Variants in NCKAP5 observed in about 807,000 individuals in gnomAD.
NCKAP5 encodes the protein NCK associated protein 5.
In NCKAP5, 92 loss-of-function variants were observed where a neutral mutation model predicts 167.0. The ratio of observed to expected loss-of-function variants is 0.55; its 90% CI spans 0.47 to 0.66. NCKAP5 has a LOEUF of 0.66. NCKAP5 is among the 30% of genes least tolerant of loss of function. The pLI is 0.00. For synonymous variants in NCKAP5, 891 were observed against 877.4 expected, an observed-to-expected ratio of 1.02 and a Z score of -0.27; for missense variants, 2,378 against 2,315.0, an observed-to-expected ratio of 1.03 and a Z score of -0.56.
intron 4 of NCKAP5, among the ~76,000 whole-genome samples, chr2:133,262,145 ATTTT>A (rs1159528667): frequency 6.6e-6 from 1 of 151,880 alleles, no homozygotes; most frequent in Non-Finnish European, 1.5e-5. Flanking sequence ...AATGCACATA[ATTTT>A]TTTTTATTTT....
the NCKAP5 span, among the ~76,000 whole-genome samples, chr2:133,634,555 A>C: frequency 2.0e-5 from 3 of 152,184 alleles, no homozygotes; most frequent in Admixed American, 6.5e-5. Context: ...TGACACTTAA[A>C]ATTTGCAAGC....
intron 15 of NCKAP5, among the ~76,000 whole-genome samples, chr2:132,779,394 G>C (rs187331093): frequency 1.4e-4 from 22 of 152,200 alleles, no homozygotes; most frequent in Admixed American, 3.3e-4. Context: ...GCTCTGCCAG[G>C]CTATCAAAGT....
rs142765318 is a variant in NCKAP5 at position 133,350,386 on chromosome 2, C to A, written c.70-47276G>T. Among the ~76,000 whole-genome samples the A allele has an allele frequency of 6.6e-5, 10 of 152,126 alleles. No individual in the cohort carries two copies. The East Asian group carries it at 1.9e-3, about 29-fold the overall frequency. ...TATGATGGTACCATCACATTCCAGC[C>A]TGATCAACAAAGAAAGACCCTGTCT... On this transcript the variant is annotated intron_variant, in intron 3 of 19. Transcript: ENST00000409261.
At chr2:133,171,769 T>A (rs1368763928) in intron 5 of NCKAP5, among the ~76,000 whole-genome samples, 2 of 152,124 alleles carry the variant, frequency 1.3e-5, no homozygotes, top group Non-Finnish European at 2.9e-5. Context: ...CAAGGCTAAG[T>A]GGTGAAGAGA....
chr2:132,909,096 C>A (rs2148944446), intron 8 of NCKAP5, among the ~76,000 whole-genome samples: 1 of 152,272 alleles, frequency 6.6e-6, no homozygotes, highest in Admixed American at 6.5e-5. Context: ...CCTGTAATCC[C>A]AGCACATTGG....
chr2:133,346,079 C>T (rs1350966194), intron 3 of NCKAP5, among the ~76,000 whole-genome samples: 2 of 152,126 alleles, frequency 1.3e-5, no homozygotes, highest in East Asian at 3.9e-4. Flanking sequence ...TATTCTAAAT[C>T]TGACAATTTC....
At chr2:133,603,207 T>C in the NCKAP5 span, among the ~76,000 whole-genome samples, 2 of 139,430 alleles carry the variant, frequency 1.4e-5, no homozygotes, top group Non-Finnish European at 3.1e-5. Flanking sequence ...ATGGCATCGG[T>C]TTTTTTTTTT....
At chr2:133,077,839 C>T (rs1438637075) in intron 6 of NCKAP5, among the ~76,000 whole-genome samples, 2 of 152,160 alleles carry the variant, frequency 1.3e-5, no homozygotes, top group Admixed American at 6.5e-5. Flanking sequence ...AGTACAGTGA[C>T]TTGTCCAAGA....
intron 3 of NCKAP5, among the ~76,000 whole-genome samples, chr2:133,379,929 A>AATAG (rs1574837635): frequency 6.6e-6 from 1 of 152,220 alleles, no homozygotes; most frequent in East Asian, 1.9e-4. Context: ...CCAGCAAGTG[A>AATAG]ATAGATGTAT....
At chr2:132,993,837 T>C (rs1423238399) in intron 7 of NCKAP5, among the ~76,000 whole-genome samples, 2 of 152,224 alleles carry the variant, frequency 1.3e-5, no homozygotes, top group East Asian at 1.9e-4. Context: ...TCCCAGAGAA[T>C]GTTGTACACA....
chr2:133,456,313 G>A (rs961971359), intron 3 of NCKAP5, among the ~76,000 whole-genome samples: 25 of 152,272 alleles, frequency 1.6e-4, no homozygotes, highest in African/African-American at 5.8e-4. Flanking sequence ...GATTGCCATC[G>A]TGTGGGCTTT....
intron 3 of NCKAP5, chr2:133,333,861 T>A (rs893525578): frequency 4.6e-5 from 7 of 152,228 alleles, no homozygotes; most frequent in African/African-American, 7.2e-5. Flanking sequence ...CAAACTGGAA[T>A]GCTACAGAGA....
At chr2:132,753,161 C>A (rs1680256982) in intron 16 of NCKAP5, among the ~76,000 whole-genome samples, 1 of 152,314 alleles carries the variant, frequency 6.6e-6, no homozygotes, top group African/African-American at 2.4e-5. Context: ...CATCACAGTA[C>A]TTAAGGAGAT....
chr2:133,246,184 G>T (rs778127948), intron 4 of NCKAP5, among the ~76,000 whole-genome samples: 8 of 151,952 alleles, frequency 5.3e-5, no homozygotes, highest in Non-Finnish European at 1.0e-4. Context: ...TGAGTAGACG[G>T]AGCTTTCCTG....
chr2:132,973,242 AC>A (rs1266384867), intron 7 of NCKAP5, among the ~76,000 whole-genome samples: 1 of 152,218 alleles, frequency 6.6e-6, no homozygotes, highest in Non-Finnish European at 1.5e-5. Flanking sequence ...AGTATATATC[AC>A]ACTCGGACAC....
chr2:133,616,103 C>T, the NCKAP5 span, among the ~76,000 whole-genome samples: 11 of 151,594 alleles, frequency 7.3e-5, no homozygotes, highest in Non-Finnish European at 1.0e-4. Context: ...TTGAAACCAA[C>T]GAGAACAAAG....
At chr2:133,398,986 C>G (rs554089607) in intron 3 of NCKAP5, among the ~76,000 whole-genome samples, 2 of 152,168 alleles carry the variant, frequency 1.3e-5, no homozygotes, top group East Asian at 3.9e-4. Flanking sequence ...TGGTGGAAAG[C>G]AATGGAGATG....
intron 4 of NCKAP5, among the ~76,000 whole-genome samples, chr2:133,296,500 T>A (rs1679971106): frequency 6.6e-6 from 1 of 152,210 alleles, no homozygotes; most frequent in African/African-American, 2.4e-5. Context: ...TACTGGCAAG[T>A]TGTTAGATTG....
chr2:133,054,463 G>A (rs2079722303), intron 6 of NCKAP5, among the ~76,000 whole-genome samples: 1 of 152,210 alleles, frequency 6.6e-6, no homozygotes. Flanking sequence ...TGTTAGCACT[G>A]CAACATGCCA....
Sources: allele counts gnomAD v4.1 joint callset (sites outside exome capture counted in the v4.1 genomes callset), GRCh38; gene constraint gnomAD v4.1.1; transcripts MANE v1.5; gene names NCBI Gene and HGNC (gene_info 2026-07-23, HGNC 2026-07-21).